H2AZ2: variants seen among roughly 807,000 people sequenced by gnomAD.
H2AZ2 encodes H2A.Z variant histone 2.
A neutral mutation model predicts 15.5 loss-of-function variants in H2AZ2; 5 were observed. That is an observed-to-expected ratio of 0.32 (90% CI 0.17 to 0.68). The LOEUF is 0.68. H2AZ2 is among the 30% of genes least tolerant of loss of function. The probability of loss-of-function intolerance (pLI) is 0.72; values close to 1 mark genes in which losing one functional copy is unlikely to be tolerated. For synonymous variants in H2AZ2, 44 were observed against 57.4 expected (o/e 0.77, Z 1.05); for missense variants, 42 against 162.5 (o/e 0.26, Z 4.03).
intron 3 of H2AZ2, among the ~76,000 whole-genome samples, chr7:44,839,130 C>T (rs1793205260): frequency 6.6e-6 from 1 of 152,206 alleles, no homozygotes; most frequent in Non-Finnish European, 1.5e-5. Flanking sequence ...CAGACTGAGT[C>T]TTTTACTTCT....
In H2AZ2 at chr7:44,848,035, G is replaced by A. The variant is rs1387671291; in HGVS notation, c.-64C>T. On this transcript the variant is annotated 5_prime_UTR_variant, in exon 1 of 5. Coordinates refer to ENST00000308153, the MANE Select transcript of H2AZ2 (RefSeq NM_012412.5). Reference sequence around the variant, plus strand: ...CCTCCCGCTGCCGACCCGCGCCGCCGCCGCCGCTCTCGCAGCACCGACCGC... The same window carrying A: ...CCTCCCGCTGCCGACCCGCGCCGCCACCGCCGCTCTCGCAGCACCGACCGC... 2.7e-6 allele frequency: 3 copies of A among 1,110,088 alleles called. No individual in the cohort carries two copies. Among genetic ancestry groups the A allele is most frequent in the Admixed American group, 4.4e-5 (1 of 22,870 alleles). The allele number at this position is 1,110,088 out of a possible 1,614,324, so 68.8% of individuals were successfully genotyped here.
intron 3 of H2AZ2, among the ~76,000 whole-genome samples, chr7:44,840,626 C>T (rs1377810141): frequency 1.3e-5 from 2 of 152,108 alleles, no homozygotes; most frequent in African/African-American, 4.8e-5. Flanking sequence ...CAAAAATTAG[C>T]TGGGCACAGT....
intron 1 of H2AZ2, among the ~76,000 whole-genome samples, chr7:44,846,480 G>A (rs531115204): frequency 6.6e-6 from 1 of 151,826 alleles, no homozygotes; most frequent in East Asian, 1.9e-4. Flanking sequence ...AGCAGGGCGT[G>A]GTGGCGCACG....
intron 2 of H2AZ2, among the ~76,000 whole-genome samples, chr7:44,841,553 A>G (rs988313945): frequency 3.3e-5 from 5 of 152,128 alleles, no homozygotes; most frequent in Non-Finnish European, 1.5e-5. Flanking sequence ...TCTGTCACCC[A>G]GGCTGGAGTG....
At chr7:44,847,857 G>C (rs1793453153) in intron 1 of H2AZ2, 112 bp downstream of exon 1, 1 of 1,429,728 alleles carries the variant, frequency 7.0e-7, no homozygotes, top group Non-Finnish European at 9.3e-7. Flanking sequence ...TCGGCCGGAC[G>C]AAGCCCAGAC....
At chr7:44,846,062 C>CACACACACAG (rs57468916) in intron 1 of H2AZ2, among the ~76,000 whole-genome samples, 19 of 75,150 alleles carry the variant, frequency 2.5e-4, no homozygotes, top group African/African-American at 5.8e-4. Context: ...CACACACACA[C>CACACACACAG]AGAGAGAGAC....
downstream of H2AZ2, chr7:44,827,016 A>G (rs1792934248): frequency 6.6e-6 from 1 of 152,180 alleles, no homozygotes; most frequent in Non-Finnish European, 1.5e-5. Flanking sequence ...TGACAAATCA[A>G]CTAGCTTGCT....
intron 1 of H2AZ2, 152 bp downstream of exon 1, chr7:44,847,817 C>A: frequency 9.2e-7 from 1 of 1,082,124 alleles, no homozygotes. Context: ...GCAGCTGGGA[C>A]ATGGCGCCCC....
chr7:44,836,438 T>A (rs1397788135), intron 3 of H2AZ2, among the ~76,000 whole-genome samples: 1 of 152,188 alleles, frequency 6.6e-6, no homozygotes, highest in Non-Finnish European at 1.5e-5. Flanking sequence ...TGGCCTCAAG[T>A]GATCTTCCTA....
intron 1 of H2AZ2, among the ~76,000 whole-genome samples, chr7:44,844,560 G>A (rs1317025448): frequency 6.6e-6 from 1 of 152,088 alleles, no homozygotes; most frequent in Non-Finnish European, 1.5e-5. Flanking sequence ...CTGCATGTTG[G>A]CCAGGCTGGT....
At chr7:44,841,098 AAAT>A in intron 2 of H2AZ2, 86 bp from the exon 3 acceptor site, 1 of 962,556 alleles carries the variant, frequency 1.0e-6, no homozygotes. Flanking sequence ...TGTAAGCATG[AAAT>A]AATAAAAAAC....
In H2AZ2 at chr7:44,847,987, T is replaced by G. The variant is rs757636914; in HGVS notation, c.-16A>C. 2 of 1,426,256 alleles carry G rather than the reference T, an allele frequency of 1.4e-6. No homozygotes were observed. The highest frequency in any genetic ancestry group is 1.8e-6 in the Non-Finnish European group (2 of 1,091,114). The allele number at this position is 1,426,256 out of a possible 1,614,324, so 88.4% of individuals were successfully genotyped here. On this transcript the variant is annotated 5_prime_UTR_variant, in exon 1 of 5. Transcript: ENST00000308153. ...CCCTTACCATGTTCTCGGCGCCGAC[T>G]CCGCCTCCGCTCGGCCGCGCGCCCT...
At chr7:44,836,913 G>A (rs1367088851) in intron 3 of H2AZ2, among the ~76,000 whole-genome samples, 4 of 151,458 alleles carry the variant, frequency 2.6e-5, no homozygotes, top group East Asian at 4.0e-4. Flanking sequence ...GGAGAATGGC[G>A]TGAACCCAGG....
chr7:44,837,425 AAAAAAAAG>A (rs1174546380), intron 3 of H2AZ2, among the ~76,000 whole-genome samples: 2 of 117,646 alleles, frequency 1.7e-5, no homozygotes, highest in African/African-American at 2.9e-5. Context: ...TCTCAAAAAA[AAAAAAAAG>A]AAAAAAAAAA....
chr7:44,831,301 G>A (rs568908357), downstream of H2AZ2, among the ~76,000 whole-genome samples: 23 of 152,334 alleles, frequency 1.5e-4, no homozygotes, highest in Admixed American at 7.8e-4. Context: ...AAACGAGACT[G>A]ATCATAACTG....
At chr7:44,841,232 A>T (rs1793268300) in intron 2 of H2AZ2, among the ~76,000 whole-genome samples, 1 of 152,206 alleles carries the variant, frequency 6.6e-6, no homozygotes, top group South Asian at 2.1e-4. Flanking sequence ...ATATCACTCT[A>T]AAATGAAGAA....
downstream of H2AZ2, chr7:44,830,080 T>G (rs890999597): frequency 9.1e-6 from 14 of 1,536,754 alleles, no homozygotes; most frequent in Admixed American, 3.4e-5. Context: ...CACATCCCAG[T>G]AGAATCTTGT....
chr7:44,834,732 G>A (rs1336052470), intron 4 of H2AZ2, among the ~76,000 whole-genome samples, 170 bp from the exon 5 acceptor site: 2 of 149,716 alleles, frequency 1.3e-5, no homozygotes, highest in Non-Finnish European at 3.0e-5. Flanking sequence ...CTTTAAAACT[G>A]TATGTAAAAT....
rs1490695513 is a variant in H2AZ2 at position 44,843,344 on chromosome 7, T to C, written c.14A>G (p.Lys5Arg). ...GGCCTTCCCACTGTCCTTTCCAGCT[T>C]TGCCTCCAGCCTAAATGCAAAAAAA... is the stretch of plus-strand genomic sequence containing the variant. MAGGKAGKDSGKAKA... is the reference protein window; with the variant it reads MAGGRAGKDSGKAKA... The change falls in exon 2 of 5, where the codon AAA becomes AGA. Residue 5 changes from lysine to arginine, a missense_variant. Transcript: ENST00000308153. The C allele has an allele frequency of 1.2e-6, 2 of 1,612,136 alleles. No individual in the cohort carries two copies. Among genetic ancestry groups the C allele is most frequent in the Non-Finnish European group, 1.7e-6 (2 of 1,179,400 alleles).
Sources: gnomAD v4.1 joint callset for allele counts (sites outside exome capture counted in the v4.1 genomes callset) on GRCh38, gnomAD v4.1.1 for gene constraint, MANE v1.5 for transcripts, NCBI Gene and HGNC (gene_info 2026-07-23, HGNC 2026-07-21) for gene names.